Variants in SERPINB7 observed in about 807,000 individuals in gnomAD.
SERPINB7 encodes serpin B7.
In SERPINB7, 31 loss-of-function variants were observed where a neutral mutation model predicts 37.4. The observed-to-expected ratio is 0.83, with a 90% CI of 0.62 to 1.12. The LOEUF is 1.12. SERPINB7 is among the 50% of genes most tolerant of loss of function. The pLI is 0.00. For synonymous variants in SERPINB7, 163 were observed against 166.1 expected (o/e 0.98, Z 0.14); for missense variants, 521 against 455.3 (o/e 1.14, Z -1.31).
intron 1 of SERPINB7, among the ~76,000 whole-genome samples, chr18:63,781,738 T>G (rs944738146): frequency 9.8e-5 from 15 of 152,336 alleles, no homozygotes; most frequent in African/African-American, 2.9e-4. Context: ...TTGTACATGT[T>G]CTTGATACAT....
intron 1 of SERPINB7, among the ~76,000 whole-genome samples, chr18:63,761,723 G>T (rs574986531): frequency 4.6e-5 from 7 of 152,130 alleles, no homozygotes; most frequent in African/African-American, 1.7e-4. Flanking sequence ...AGGGGTTTCC[G>T]CTTTTGCTTC....
At chr18:63,753,893 C>A (rs1297585031) in intron 1 of SERPINB7, among the ~76,000 whole-genome samples, 2 of 152,184 alleles carry the variant, frequency 1.3e-5, no homozygotes, top group Non-Finnish European at 2.9e-5. Context: ...AGAATAACTC[C>A]ATCTTATAAC....
At chr18:63,774,373 G>A (rs2049230232), upstream of SERPINB7, among the ~76,000 whole-genome samples, 2 of 152,076 alleles carry the variant, frequency 1.3e-5, no homozygotes, top group African/African-American at 2.4e-5. Flanking sequence ...AGAGAACCCA[G>A]TTACTTGGAT....
rs1200357229 is a variant in SERPINB7, at chr18:63,758,264, T to C, written c.-19+5144T>C. Among the ~76,000 whole-genome samples, 3 of 152,188 alleles carry C rather than the reference T, an allele frequency of 2.0e-5. No individual in the cohort carries two copies. The East Asian group carries it at 5.8e-4, about 29-fold the overall frequency. On this transcript the variant is annotated intron_variant, in intron 1 of 7. Transcript: ENST00000336429. ...TTAGTAGCGTTGTTACCATGACTTATCCCAATAACTAATTATGGCCAGAAG... is the reference window on the plus strand; with the variant it reads ...TTAGTAGCGTTGTTACCATGACTTACCCCAATAACTAATTATGGCCAGAAG...
chr18:63,791,936 A>AT (rs1398157637), intron 2 of SERPINB7, among the ~76,000 whole-genome samples: 7 of 152,240 alleles, frequency 4.6e-5, no homozygotes, highest in Admixed American at 4.6e-4. Flanking sequence ...GAGTTACATC[A>AT]TTGTATAGTG....
At chr18:63,770,068 G>A (rs986480742) in intron 1 of SERPINB7, among the ~76,000 whole-genome samples, 1 of 149,012 alleles carries the variant, frequency 6.7e-6, no homozygotes, top group East Asian at 2.0e-4. Flanking sequence ...TTTGCTTAGT[G>A]TAGAGTGGGA....
At chr18:63,761,508 G>C (rs184160250) in intron 1 of SERPINB7, among the ~76,000 whole-genome samples, 1 of 152,284 alleles carries the variant, frequency 6.6e-6, no homozygotes, top group East Asian at 1.9e-4. Context: ...TTTAAAATGT[G>C]AGGACATGAG....
At chr18:63,786,408 T>A (rs2049373780) in intron 2 of SERPINB7, among the ~76,000 whole-genome samples, 1 of 151,694 alleles carries the variant, frequency 6.6e-6, no homozygotes, top group Non-Finnish European at 1.5e-5. Context: ...CACGCATATA[T>A]ATATTTTTCT....
intron 1 of SERPINB7, among the ~76,000 whole-genome samples, chr18:63,768,107 G>A (rs1038836145): frequency 4.6e-5 from 7 of 151,848 alleles, no homozygotes; most frequent in African/African-American, 1.7e-4. Context: ...GATTAATTTA[G>A]GAAATTATCT....
At chr18:63,753,403 G>T (rs1175208376) in intron 1 of SERPINB7, among the ~76,000 whole-genome samples, 2 of 151,956 alleles carry the variant, frequency 1.3e-5, no homozygotes, top group Non-Finnish European at 1.5e-5. Flanking sequence ...ATTTAATAGA[G>T]AAAATTCAGC....
intron 1 of SERPINB7, among the ~76,000 whole-genome samples, chr18:63,760,744 G>A (rs1420473434): frequency 6.6e-6 from 1 of 152,248 alleles, no homozygotes; most frequent in Non-Finnish European, 1.5e-5. Context: ...TGGCTTCAGA[G>A]GGTGGAAGAC....
chr18:63,768,084 G>T (rs1220130538), intron 1 of SERPINB7, among the ~76,000 whole-genome samples: 1 of 151,944 alleles, frequency 6.6e-6, no homozygotes, highest in Admixed American at 6.6e-5. Flanking sequence ...CTCGTTAGGG[G>T]TTAAATCTTA....
chr18:63,786,256 T>C (rs2049371877), intron 2 of SERPINB7, among the ~76,000 whole-genome samples: 1 of 142,966 alleles, frequency 7.0e-6, no homozygotes, highest in African/African-American at 2.6e-5. Flanking sequence ...ATCCACACAT[T>C]TCCTTTGAAA....
intron 1 of SERPINB7, among the ~76,000 whole-genome samples, chr18:63,768,215 T>C (rs2049191131): frequency 6.6e-6 from 1 of 152,070 alleles, no homozygotes. Flanking sequence ...TTTGCTCTTG[T>C]CCTAGTTTCT....
At chr18:63,781,538 T>G (rs1701643) in intron 1 of SERPINB7, among the ~76,000 whole-genome samples, 20,922 of 152,214 alleles carry the variant, frequency 0.14, 2,418 homozygotes, top group East Asian at 0.45. Flanking sequence ...CCCCAACTGC[T>G]ATTTTGAGAT....
intron 5 of SERPINB7, among the ~76,000 whole-genome samples, chr18:63,797,844 C>G (rs1288335782): frequency 6.6e-6 from 1 of 152,200 alleles, no homozygotes. Flanking sequence ...CCAATCTTGC[C>G]AACCTTATTC....
At chr18:63,781,652 A>G (rs575556155) in intron 1 of SERPINB7, among the ~76,000 whole-genome samples, 87 of 152,326 alleles carry the variant, frequency 5.7e-4, no homozygotes, top group African/African-American at 2.0e-3. Flanking sequence ...CAACATCATG[A>G]ATTTGAAGAT....
chr18:63,776,545 T>C (rs1341753543), intron 1 of SERPINB7, among the ~76,000 whole-genome samples: 1 of 151,164 alleles, frequency 6.6e-6, no homozygotes, highest in Non-Finnish European at 1.5e-5. Flanking sequence ...AAGATGAGGG[T>C]AGAGTTTTGT....
chr18:63,797,914 C>T (rs1464069225), intron 5 of SERPINB7, among the ~76,000 whole-genome samples: 1 of 152,204 alleles, frequency 6.6e-6, no homozygotes, highest in African/African-American at 2.4e-5. Context: ...ATAGTCTCTG[C>T]TTTATGGAAG....
Sources: gnomAD v4.1 joint callset for allele counts (sites outside exome capture counted in the v4.1 genomes callset) on GRCh38, gnomAD v4.1.1 for gene constraint, MANE v1.5 for transcripts, NCBI Gene and HGNC (gene_info 2026-07-23, HGNC 2026-07-21) for gene names.